Variants in PTPRT observed in about 807,000 individuals in gnomAD.
PTPRT encodes the protein receptor-type tyrosine-protein phosphatase T.
In PTPRT, 56 loss-of-function variants were observed where a neutral mutation model predicts 176.8. The ratio of observed to expected loss-of-function variants is 0.32; its 90% CI spans 0.26 to 0.40. The LOEUF is 0.40. Ranked by LOEUF, PTPRT falls within the 10% of genes least tolerant of loss-of-function variation. The pLI is 1.00. For missense variants in PTPRT, 1,540 were observed against 1,908.2 expected, an observed-to-expected ratio of 0.81 and a Z score of 3.60; for synonymous variants, 783 against 739.0, an observed-to-expected ratio of 1.06 and a Z score of -0.96.
At chr20:42,295,521 G>T (rs902035736) in intron 12 of PTPRT, among the ~76,000 whole-genome samples, 1 of 152,174 alleles carries the variant, frequency 6.6e-6, no homozygotes, top group Non-Finnish European at 1.5e-5. Context: ...ATGGGTAAAA[G>T]TTTAATATGT....
intron 9 of PTPRT, among the ~76,000 whole-genome samples, chr20:42,403,167 T>A (rs1180364279): frequency 6.6e-6 from 1 of 152,182 alleles, no homozygotes; most frequent in Non-Finnish European, 1.5e-5. Flanking sequence ...GGTATACGAT[T>A]TTTGCATTTT....
chr20:42,225,910 G>T (rs2055998496), intron 15 of PTPRT, among the ~76,000 whole-genome samples: 1 of 152,172 alleles, frequency 6.6e-6, no homozygotes, highest in African/African-American at 2.4e-5. Flanking sequence ...GCCCTGGCCT[G>T]CCAAAGTGCT....
chr20:42,303,639 T>C (rs1401046458), intron 12 of PTPRT, among the ~76,000 whole-genome samples: 1 of 152,186 alleles, frequency 6.6e-6, no homozygotes, highest in Non-Finnish European at 1.5e-5. Flanking sequence ...AGAATACATA[T>C]AGTGCCAATT....
chr20:42,393,577 C>G (rs982740059), intron 9 of PTPRT, among the ~76,000 whole-genome samples: 1 of 152,198 alleles, frequency 6.6e-6, no homozygotes, highest in African/African-American at 2.4e-5. Context: ...TTCTCAATAA[C>G]ACACAAGTTG....
the PTPRT span, among the ~76,000 whole-genome samples, chr20:42,040,025 G>A: frequency 3.7e-4 from 57 of 152,094 alleles, no homozygotes; most frequent in Non-Finnish European, 6.3e-4. Flanking sequence ...TGTTTTCCAC[G>A]ATTATTGTGC....
intron 1 of PTPRT, among the ~76,000 whole-genome samples, chr20:42,979,263 G>A (rs1983138577): frequency 6.6e-6 from 1 of 151,886 alleles, no homozygotes; most frequent in Non-Finnish European, 1.5e-5. Context: ...GCTTATTAGT[G>A]TTCTTTATAT....
At chr20:43,061,541 C>A (rs1194768725) in intron 1 of PTPRT, among the ~76,000 whole-genome samples, 1 of 152,202 alleles carries the variant, frequency 6.6e-6, no homozygotes, top group Non-Finnish European at 1.5e-5. Context: ...AACGAATGGG[C>A]TCTGGGCAGC....
Position 42,742,279 on chromosome 20 carries a change from A to G in PTPRT, c.859+14183T>C, listed in dbSNP as rs547491492. ...CTGTGGGTATCTGTCCACTGCATAG[A>G]TGGCCAGAATGAGGTTTCTAAGCCA... On this transcript the variant is annotated intron_variant, in intron 6 of 30. Transcript: ENST00000373187. 9.8e-5 allele frequency among the ~76,000 whole-genome samples: 15 copies of G among 152,368 alleles called. No individual in the cohort carries two copies. The East Asian group carries it at 2.7e-3, about 27-fold the overall frequency.
chr20:42,278,046 G>C (rs2147036700), intron 13 of PTPRT, among the ~76,000 whole-genome samples: 1 of 128,080 alleles, frequency 7.8e-6, no homozygotes, highest in African/African-American at 2.9e-5. Context: ...GTCTAGCAGG[G>C]AGATAGACAT....
chr20:42,600,719 T>C (rs1004583463), intron 7 of PTPRT, among the ~76,000 whole-genome samples: 4 of 152,224 alleles, frequency 2.6e-5, no homozygotes, highest in African/African-American at 9.6e-5. Context: ...TTTGACTTTA[T>C]GTGCCTGAGT....
intron 1 of PTPRT, among the ~76,000 whole-genome samples, chr20:42,924,673 C>T (rs770372833): frequency 1.3e-5 from 2 of 152,192 alleles, no homozygotes; most frequent in South Asian, 2.1e-4. Context: ...TATCCCGATC[C>T]GTACATCAAT....
intron 12 of PTPRT, among the ~76,000 whole-genome samples, chr20:42,301,599 A>G (rs776954443): frequency 1.3e-4 from 20 of 152,204 alleles, no homozygotes; most frequent in Non-Finnish European, 2.5e-4. Flanking sequence ...GCATTAAAGC[A>G]TTTAGGAGTA....
chr20:42,772,575 A>T (rs1382779608), intron 4 of PTPRT, among the ~76,000 whole-genome samples: 1 of 152,194 alleles, frequency 6.6e-6, no homozygotes, highest in African/African-American at 2.4e-5. Context: ...AATAATAACA[A>T]CAGTAACAGC....
chr20:42,036,234 C>A, the PTPRT span, among the ~76,000 whole-genome samples: 604 of 152,282 alleles, frequency 4.0e-3, 4 homozygotes, highest in African/African-American at 0.014. Flanking sequence ...GAAACTGTCC[C>A]CAGAAGACTT....
chr20:42,862,229 A>G (rs897639951), intron 2 of PTPRT, among the ~76,000 whole-genome samples: 1 of 152,204 alleles, frequency 6.6e-6, no homozygotes, highest in Non-Finnish European at 1.5e-5. Context: ...TCAAGGCTAC[A>G]TGGTGCACAT....
intron 7 of PTPRT, among the ~76,000 whole-genome samples, chr20:42,608,595 A>G (rs2073922620): frequency 1.3e-5 from 2 of 152,198 alleles, no homozygotes. Context: ...AGACTGGAAC[A>G]GCCAGGGGAG....
intron 12 of PTPRT, among the ~76,000 whole-genome samples, chr20:42,309,580 C>T (rs80180626): frequency 0.011 from 1,735 of 152,322 alleles, 20 homozygotes; most frequent in Non-Finnish European, 0.017. Flanking sequence ...ACTGTACTGA[C>T]ACCTACTTGG....
intron 6 of PTPRT, among the ~76,000 whole-genome samples, chr20:42,725,931 G>A (rs1206289576): frequency 1.3e-5 from 2 of 151,658 alleles, no homozygotes; most frequent in East Asian, 1.9e-4. Context: ...TTTTGATTAC[G>A]GTGGGCCCAG....
intron 7 of PTPRT, among the ~76,000 whole-genome samples, chr20:42,625,727 C>G (rs1413350311): frequency 6.6e-6 from 1 of 151,906 alleles, no homozygotes; most frequent in Non-Finnish European, 1.5e-5. Flanking sequence ...TCAACCAACA[C>G]AATGAGAGAG....
Sources: gnomAD v4.1 joint callset for allele counts (sites outside exome capture counted in the v4.1 genomes callset) on GRCh38, gnomAD v4.1.1 for gene constraint, MANE v1.5 for transcripts, NCBI Gene and HGNC (gene_info 2026-07-23, HGNC 2026-07-21) for gene names.